Variants in FGF14 observed in about 807,000 individuals in gnomAD.
The protein encoded by FGF14 is fibroblast growth factor 14.
FGF14 carries 5 observed loss-of-function variants against 25.5 expected under a neutral mutation model. The observed-to-expected ratio is 0.20, with a 90% CI of 0.10 to 0.41. The LOEUF is 0.41. Ranked by LOEUF, FGF14 falls within the 10% of genes least tolerant of loss-of-function variation. The pLI is 1.00. For missense variants in FGF14, 222 were observed against 320.1 expected (o/e 0.69, Z 2.34); for synonymous variants, 138 against 118.3 (o/e 1.17, Z -1.08).
intron 3 of FGF14, among the ~76,000 whole-genome samples, chr13:101,774,817 C>G (rs2038994030): frequency 6.6e-6 from 1 of 151,918 alleles, no homozygotes; most frequent in Non-Finnish European, 1.5e-5. Context: ...CTTTGGGAGG[C>G]TGAGGCAGGA....
At chr13:102,124,303 C>G (rs1277044369) in intron 1 of FGF14, among the ~76,000 whole-genome samples, 1 of 151,192 alleles carries the variant, frequency 6.6e-6, no homozygotes, top group East Asian at 2.0e-4. Context: ...TATAGGAAAG[C>G]ATAATTTATG....
intron 1 of FGF14, among the ~76,000 whole-genome samples, chr13:102,260,408 C>T (rs2052663685): frequency 1.3e-5 from 2 of 152,190 alleles, no homozygotes; most frequent in South Asian, 4.1e-4. Context: ...CAAAGTAATG[C>T]CCTCCAGGCA....
chr13:102,069,511 A>G (rs1335763744), intron 1 of FGF14, among the ~76,000 whole-genome samples: 1 of 152,286 alleles, frequency 6.6e-6, no homozygotes, highest in East Asian at 1.9e-4. Flanking sequence ...CTTTGGGTCC[A>G]CGCTGCTTTT....
chr13:101,776,137 C>A (rs948013119), intron 3 of FGF14, among the ~76,000 whole-genome samples: 1 of 152,098 alleles, frequency 6.6e-6, no homozygotes, highest in African/African-American at 2.4e-5. Flanking sequence ...ACATCTGAGG[C>A]CTTCCACACT....
intron 1 of FGF14, among the ~76,000 whole-genome samples, chr13:101,961,998 A>G (rs2139463780): frequency 6.6e-6 from 1 of 152,224 alleles, no homozygotes; most frequent in Admixed American, 6.5e-5. Context: ...GGGTAGTGTG[A>G]TGCCTCCAGC....
At position 101,720,607 on chromosome 13, in the gene FGF14, G is replaced by GTAGT. The variant is rs908361640; in HGVS notation, c.*2220_*2223dup. Reference sequence around the variant, plus strand: ...GTGAAGTGAAGTGTTGCTGCTGTAAGTAGTGTCCATAAGCCCATTTGACTG... The same window carrying GTAGT: ...GTGAAGTGAAGTGTTGCTGCTGTAAGTAGTTAGTGTCCATAAGCCCATTTGACTG... On this transcript the variant is annotated 3_prime_UTR_variant, in exon 5 of 5. Coordinates refer to ENST00000376143, the MANE Select transcript of FGF14 (RefSeq NM_004115.4). 1 of 151,578 alleles carries GTAGT rather than the reference G, an allele frequency of 6.6e-6. No homozygotes were observed. Among genetic ancestry groups the GTAGT allele is most frequent in the Non-Finnish European group, 1.5e-5 (1 of 67,888 alleles). The allele number at this position is 151,578 out of a possible 1,614,324, so 9.4% of individuals were successfully genotyped here.
chr13:102,069,754 T>C (rs1320058461), intron 1 of FGF14, among the ~76,000 whole-genome samples: 1 of 152,044 alleles, frequency 6.6e-6, no homozygotes, highest in African/African-American at 2.4e-5. Flanking sequence ...CGCGCCACCT[T>C]AAGAGCTGTA....
At chr13:102,040,674 G>A (rs2041689343) in intron 1 of FGF14, among the ~76,000 whole-genome samples, 1 of 152,156 alleles carries the variant, frequency 6.6e-6, no homozygotes, top group Non-Finnish European at 1.5e-5. Flanking sequence ...GCTTCCGTGT[G>A]TTAAAGCCCT....
intron 1 of FGF14, among the ~76,000 whole-genome samples, chr13:102,230,408 A>G (rs987689582): frequency 6.6e-6 from 1 of 152,242 alleles, no homozygotes; most frequent in Admixed American, 6.5e-5. Flanking sequence ...GGGAATAGAA[A>G]GGTATAAACA....
At position 101,818,739 on chromosome 13, in the gene FGF14, C is replaced by G. The variant is rs79219788; in HGVS notation, c.408+49986G>C. Among the ~76,000 whole-genome samples the G allele has an allele frequency of 4.9e-3, 751 of 152,234 alleles. 5 individuals carry two copies. Among genetic ancestry groups the G allele is most frequent in the Non-Finnish European group, 7.6e-3 (519 of 68,014 alleles). On this transcript the variant is annotated intron_variant, in intron 3 of 4. Coordinates refer to ENST00000376143, the MANE Select transcript of FGF14 (RefSeq NM_004115.4). Reference sequence around the variant, plus strand: ...GTTTATAAGCTTTCAGAGAGTAACACAACTTAACTAACTTAAGATAAACAA... The same window carrying G: ...GTTTATAAGCTTTCAGAGAGTAACAGAACTTAACTAACTTAAGATAAACAA...
intron 1 of FGF14, among the ~76,000 whole-genome samples, chr13:102,211,739 CA>C (rs1211897727): frequency 6.6e-6 from 1 of 152,110 alleles, no homozygotes; most frequent in Non-Finnish European, 1.5e-5. Context: ...AACCCTAACT[CA>C]AAAAGAGTTC....
chr13:101,981,082 AACACACACACACACACACACACACACAC>A (rs58666555), intron 1 of FGF14, among the ~76,000 whole-genome samples: 3 of 123,706 alleles, frequency 2.4e-5, no homozygotes, highest in East Asian at 5.6e-4. Context: ...TCTCTACTAA[AACACACACACACACACACACACACACAC>A]ACACACACAC....
At chr13:102,203,422 T>C (rs1188601923) in intron 1 of FGF14, among the ~76,000 whole-genome samples, 1 of 152,188 alleles carries the variant, frequency 6.6e-6, no homozygotes, top group South Asian at 2.1e-4. Flanking sequence ...CTATTGCCTC[T>C]GGGGAGAGGC....
chr13:101,934,726 G>A (rs950216855), intron 1 of FGF14, among the ~76,000 whole-genome samples: 1 of 148,694 alleles, frequency 6.7e-6, no homozygotes, highest in Non-Finnish European at 1.5e-5. Flanking sequence ...AAGTCCAAAT[G>A]CCCCTCACTC....
Position 102,068,803 on chromosome 13 carries a change from A to AC in FGF14, c.209-193508dup, listed in dbSNP as rs1203635543. ...GGCCCGAGCCTCCCCGACGAGCACC[A>AC]CCCCCCTGCTCCAAGGTGCCCAGTC... On this transcript the variant is annotated intron_variant, in intron 1 of 4. Coordinates refer to the FGF14 transcript ENST00000376131. Among the ~76,000 whole-genome samples the AC allele has an allele frequency of 2.6e-5, 4 of 151,796 alleles. No homozygotes were observed. The East Asian group carries it at 5.9e-4, about 22-fold the overall frequency.
chr13:101,887,338 A>G (rs191202248), intron 1 of FGF14, among the ~76,000 whole-genome samples: 9 of 151,450 alleles, frequency 5.9e-5, no homozygotes, highest in Admixed American at 3.3e-4. Flanking sequence ...GTATATATAT[A>G]TATATATACA....
In FGF14 at chr13:101,726,680, T is replaced by C; in HGVS notation, c.539A>G (p.Gln180Arg). The change falls in exon 4 of 5, where the codon CAA becomes CGA. Residue 180 changes from glutamine to arginine, a missense_variant. Transcript: ENST00000376143. ...AWFLGLNKEG[Q>R]AMKGNRVKKT... ...CTTTACTCTGTTCCCTTTCATAGCT[T>C]GCCCTTCCTTATTTAATCCCAAAAA... 2 of 1,613,614 alleles carry C rather than the reference T, an allele frequency of 1.2e-6. No homozygotes were observed. Among genetic ancestry groups the C allele is most frequent in the South Asian group, 2.2e-5 (2 of 91,068 alleles).
intron 1 of FGF14, among the ~76,000 whole-genome samples, chr13:102,065,432 C>A (rs1024900221): frequency 6.6e-6 from 1 of 152,020 alleles, no homozygotes; most frequent in African/African-American, 2.4e-5. Flanking sequence ...CAGTTTAAAA[C>A]ACTCCAAGAT....
intron 1 of FGF14, among the ~76,000 whole-genome samples, chr13:102,302,048 C>T (rs186824589): frequency 6.6e-6 from 1 of 152,252 alleles, no homozygotes; most frequent in East Asian, 1.9e-4. Context: ...TCCTCCTCCA[C>T]CTGTATCCCA....
Sources: gnomAD v4.1 joint callset for allele counts (sites outside exome capture counted in the v4.1 genomes callset) on GRCh38, gnomAD v4.1.1 for gene constraint, MANE v1.5 for transcripts, NCBI Gene and HGNC (gene_info 2026-07-23, HGNC 2026-07-21) for gene names.